LUZP1: variants seen among roughly 807,000 people sequenced by gnomAD.
The protein encoded by LUZP1 is filamin mechanobinding actin cross-linking protein.
A neutral mutation model predicts 71.3 loss-of-function variants in LUZP1; 25 were observed. The observed-to-expected ratio is 0.35, with a 90% CI of 0.26 to 0.49. LUZP1 has a LOEUF of 0.49. LUZP1 is among the 20% of genes least tolerant of loss of function. The pLI is 0.99. For missense variants in LUZP1, 1,142 were observed against 1,300.8 expected, an observed-to-expected ratio of 0.88 and a Z score of 1.88; for synonymous variants, 481 against 506.4, an observed-to-expected ratio of 0.95 and a Z score of 0.67.
intron 3 of LUZP1, among the ~76,000 whole-genome samples, chr1:23,105,805 A>G (rs912178219): frequency 3.9e-5 from 6 of 152,128 alleles, no homozygotes; most frequent in African/African-American, 1.4e-4. Flanking sequence ...ATAGATTAAC[A>G]CTGATCTATT....
At chr1:23,098,195 G>A (rs1407690967) in intron 3 of LUZP1, among the ~76,000 whole-genome samples, 3 of 152,212 alleles carry the variant, frequency 2.0e-5, no homozygotes, top group African/African-American at 4.8e-5. Flanking sequence ...AAGGACAGGA[G>A]AGCAGAGGAT....
chr1:23,122,825 C>T (rs1026401649), intron 2 of LUZP1, among the ~76,000 whole-genome samples: 2 of 152,224 alleles, frequency 1.3e-5, no homozygotes, highest in African/African-American at 4.8e-5. Flanking sequence ...CATCCTAATG[C>T]TATGAACACA....
intron 2 of LUZP1, among the ~76,000 whole-genome samples, chr1:23,139,019 A>AATATATATATATAT (rs1225155907): frequency 4.3e-4 from 26 of 59,948 alleles, no homozygotes; most frequent in South Asian, 2.4e-3. Context: ...AAAAAAAAAA[A>AATATATATATATAT]ATATATATAT....
chr1:23,166,541 G>C (rs536064649), intron 2 of LUZP1, among the ~76,000 whole-genome samples: 1 of 151,110 alleles, frequency 6.6e-6, no homozygotes, highest in Non-Finnish European at 1.5e-5. Context: ...TGTAATCCCA[G>C]CTACTCGGGA....
chr1:23,146,818 C>T (rs1344237611), intron 2 of LUZP1, among the ~76,000 whole-genome samples: 3 of 151,404 alleles, frequency 2.0e-5, no homozygotes, highest in African/African-American at 7.3e-5. Context: ...TAATAATAGG[C>T]TGGGCGCGAT....
intron 1 of LUZP1, among the ~76,000 whole-genome samples, chr1:23,174,834 C>T (rs1644573457): frequency 6.6e-6 from 1 of 152,068 alleles, no homozygotes. Flanking sequence ...AATAAAATAG[C>T]CCTCAATTCT....
At chr1:23,142,698 TATAC>T (rs1553140620) in intron 2 of LUZP1, among the ~76,000 whole-genome samples, 1,739 of 101,230 alleles carry the variant, frequency 0.017, 16 homozygotes, top group Middle Eastern at 0.037. Flanking sequence ...TATATATATA[TATAC>T]ACACACACAC....
intron 2 of LUZP1, among the ~76,000 whole-genome samples, chr1:23,147,102 T>A (rs1180064726): frequency 7.2e-6 from 1 of 139,432 alleles, no homozygotes; most frequent in Non-Finnish European, 1.6e-5. Flanking sequence ...GTCTCAAAAA[T>A]AATAATAATA....
chr1:23,091,098 G>T lies in LUZP1; in HGVS notation c.3072+92C>A, dbSNP rs1312418480. ...GTTCTACTCAGTTCTCAAGATCCTG[G>T]GTCACACAGGCCAGAGCAGAGGGGA... On this transcript the variant is annotated intron_variant, in intron 4 of 4. Coordinates refer to ENST00000302291, the Ensembl canonical transcript of LUZP1. 40 of 1,299,916 alleles carry T rather than the reference G, an allele frequency of 3.1e-5. No individual in the cohort carries two copies. In the East Asian group the frequency reaches 1.0e-3, roughly 33 times the overall value. The allele number at this position is 1,299,916 out of a possible 1,614,324, so 80.5% of individuals were successfully genotyped here.
chr1:23,107,606 G>C lies in LUZP1; in HGVS notation c.-120+1416C>G, dbSNP rs1201773127. Among the ~76,000 whole-genome samples, 23 of 152,240 alleles carry C rather than the reference G, an allele frequency of 1.5e-4. No homozygotes were observed. The South Asian group carries it at 4.0e-3, about 26-fold the overall frequency. ...ACCTGAGGTCAGGAGTTCAAGACCAGCCTGGCCAACATGGTGAAACCCTGT... is the reference window on the plus strand; with the variant it reads ...ACCTGAGGTCAGGAGTTCAAGACCACCCTGGCCAACATGGTGAAACCCTGT... On this transcript the variant is annotated intron_variant, in intron 3 of 4. Coordinates refer to ENST00000302291, the Ensembl canonical transcript of LUZP1.
At chr1:23,086,181 T>G (rs1198187918) in exon 5 of LUZP1, 1 of 152,424 alleles carries the variant, frequency 6.6e-6, no homozygotes, top group African/African-American at 2.4e-5. Flanking sequence ...GAAACATGCC[T>G]CCCAACTTTG....
rs1569862799 is a variant in LUZP1 at position 23,094,224 on chromosome 1, C to T, written c.38G>A (p.Ser13Asn). The T allele has an allele frequency of 6.2e-7, 1 of 1,612,888 alleles. No homozygotes were observed. Among genetic ancestry groups the T allele is most frequent in the African/African-American group, 1.3e-5 (1 of 74,798 alleles). ...CTGTAGCTTAAACCGCAAGTGGCGG[C>T]TGGAGGCCGTCTCCTTGTAGCTTGT... is the stretch of plus-strand genomic sequence containing the variant. Residue 13 changes from serine to asparagine, a missense_variant, in exon 4 of 5, where the codon AGC becomes AAC. Coordinates refer to ENST00000302291, the Ensembl canonical transcript of LUZP1. This position sits in a 1 kb window ranked among gnomAD's most constrained non-coding sequence, Gnocchi z 4.7.
At chr1:23,127,517 T>TTTTTG (rs960800714) in intron 2 of LUZP1, among the ~76,000 whole-genome samples, 39 of 152,200 alleles carry the variant, frequency 2.6e-4, no homozygotes, top group South Asian at 1.0e-3. Context: ...TTAGTTTTGT[T>TTTTTG]TTTTGTTTTG....
At chr1:23,167,623 T>C (rs747168953) in intron 2 of LUZP1, among the ~76,000 whole-genome samples, 4 of 152,034 alleles carry the variant, frequency 2.6e-5, no homozygotes. Context: ...AGCTCTGCAG[T>C]GTTAGGAAAG....
intron 2 of LUZP1, among the ~76,000 whole-genome samples, chr1:23,145,292 T>C (rs907766505): frequency 1.1e-4 from 17 of 152,302 alleles, no homozygotes; most frequent in Admixed American, 3.3e-4. Flanking sequence ...CTCTAGACCC[T>C]ACCTCTCTCA....
At chr1:23,168,335 C>T (rs1644527557) in intron 2 of LUZP1, among the ~76,000 whole-genome samples, 1 of 143,290 alleles carries the variant, frequency 7.0e-6, no homozygotes, top group East Asian at 2.1e-4. Flanking sequence ...CCTCGTCGCC[C>T]CCCGCCCCTG....
At chr1:23,091,743 G>A (rs1643858432) in exon 4 of LUZP1, 4 of 1,613,882 alleles carry the variant, frequency 2.5e-6, no homozygotes, top group Middle Eastern at 1.6e-4. Flanking sequence ...CTCAAAAGGG[G>A]AGCTGACATG....
At chr1:23,113,336 A>G (rs753136141) in intron 2 of LUZP1, among the ~76,000 whole-genome samples, 1 of 152,054 alleles carries the variant, frequency 6.6e-6, no homozygotes, top group African/African-American at 2.4e-5. Context: ...TCAGCCCAGT[A>G]GTCAAGGCTG....
intron 2 of LUZP1, among the ~76,000 whole-genome samples, chr1:23,120,547 A>G (rs1232348951): frequency 6.7e-6 from 1 of 149,066 alleles, no homozygotes; most frequent in Admixed American, 6.7e-5. Flanking sequence ...TTGTAGAGAC[A>G]GGGTCTTGCT....
Sources: gnomAD v4.1 joint callset for allele counts (sites outside exome capture counted in the v4.1 genomes callset) on GRCh38, gnomAD v4.1.1 for gene constraint, Gnocchi (gnomAD v3.1) non-coding constraint, MANE v1.5 for transcripts, NCBI Gene and HGNC (gene_info 2026-07-23, HGNC 2026-07-21) for gene names.